The following ZNF385D variants were observed in gnomAD, a reference collection of about 807,000 sequenced individuals.
The protein encoded by ZNF385D is zinc finger protein 659.
A neutral mutation model predicts 35.8 loss-of-function variants in ZNF385D; 15 were observed. The observed-to-expected ratio is 0.42, with a 90% CI of 0.28 to 0.64. ZNF385D has a LOEUF of 0.64. Among genes scored for constraint, ZNF385D ranks in the 30% least tolerant of loss-of-function variants. The pLI is 0.23. For synonymous variants in ZNF385D, 212 were observed against 186.8 expected (o/e 1.13, Z -1.10); for missense variants, 474 against 494.6 (o/e 0.96, Z 0.39).
intron 3 of ZNF385D, among the ~76,000 whole-genome samples, chr3:21,941,587 TC>T (rs1416657723): frequency 1.5e-5 from 2 of 133,606 alleles, no homozygotes; most frequent in Non-Finnish European, 3.1e-5. Context: ...AACCTCCGCC[TC>T]CCGGGTTCAC....
intron 3 of ZNF385D, among the ~76,000 whole-genome samples, chr3:21,762,553 T>TA (rs2125589185): frequency 6.6e-6 from 1 of 152,350 alleles, no homozygotes; most frequent in South Asian, 2.1e-4. Flanking sequence ...TTCTTGTTTT[T>TA]AATGTAAAAC....
At chr3:22,015,635 C>A (rs1696840000) in intron 3 of ZNF385D, among the ~76,000 whole-genome samples, 1 of 152,108 alleles carries the variant, frequency 6.6e-6, no homozygotes, top group African/African-American at 2.4e-5. Flanking sequence ...ACACAAACAT[C>A]ATCATTTCTT....
At chr3:21,628,930 C>A (rs576257741) in intron 2 of ZNF385D, among the ~76,000 whole-genome samples, 7 of 152,186 alleles carry the variant, frequency 4.6e-5, no homozygotes, top group African/African-American at 1.7e-4. Flanking sequence ...TGTTTTATGA[C>A]TCCATGTACC....
At chr3:21,526,156 C>A (rs907404441) in intron 3 of ZNF385D, among the ~76,000 whole-genome samples, 1 of 152,116 alleles carries the variant, frequency 6.6e-6, no homozygotes. Context: ...ATGATTCAAG[C>A]TGCATGGAAA....
At chr3:21,506,330 C>T (rs974487416) in intron 4 of ZNF385D, among the ~76,000 whole-genome samples, 1 of 152,144 alleles carries the variant, frequency 6.6e-6, no homozygotes, top group African/African-American at 2.4e-5. Context: ...AAAACCACAG[C>T]TGATATGTAG....
chr3:21,913,269 C>G (rs1027358242), intron 3 of ZNF385D, among the ~76,000 whole-genome samples: 6 of 152,062 alleles, frequency 3.9e-5, no homozygotes, highest in Non-Finnish European at 8.8e-5. Context: ...TAACTAGAAC[C>G]ATTATAATTT....
intron 3 of ZNF385D, among the ~76,000 whole-genome samples, chr3:21,945,176 T>TGA (rs766738135): frequency 3.8e-4 from 57 of 150,054 alleles, no homozygotes; most frequent in African/African-American, 1.2e-3. Context: ...ATATATATAG[T>TGA]GAGAGAGAGA....
In ZNF385D at chr3:21,984,519, A is replaced by G. The variant is rs375149192; in HGVS notation, c.325+184298T>C. ...CTGAGGGCTCTGTTCTGTTCCATTG[A>G]TCTATATCTCTGTTTTGGTACCAGT... On this transcript the variant is annotated intron_variant, in intron 3 of 5. Coordinates refer to the ZNF385D transcript ENST00000494108. Among the ~76,000 whole-genome samples, 1,090 of 126,000 alleles carry G rather than the reference A, an allele frequency of 8.7e-3. 94 individuals carry two copies. Among genetic ancestry groups the G allele is most frequent in the African/African-American group, 0.034 (999 of 29,008 alleles). 82.7% of individuals were successfully genotyped at this position (126,000 alleles called of 152,430 possible).
intron 3 of ZNF385D, among the ~76,000 whole-genome samples, chr3:21,822,038 A>G (rs552723460): frequency 2.4e-4 from 36 of 152,048 alleles, no homozygotes; most frequent in South Asian, 1.9e-3. Flanking sequence ...GAGCAATCCA[A>G]TATTTCTCCA....
intron 3 of ZNF385D, among the ~76,000 whole-genome samples, chr3:22,109,377 C>T (rs768269933): frequency 6.6e-6 from 1 of 151,978 alleles, no homozygotes; most frequent in Non-Finnish European, 1.5e-5. Flanking sequence ...AATGTAAGTC[C>T]CTAATGTATC....
intron 3 of ZNF385D, among the ~76,000 whole-genome samples, chr3:22,083,745 C>A (rs1266212780): frequency 6.6e-5 from 10 of 152,164 alleles, no homozygotes; most frequent in Non-Finnish European, 1.3e-4. Flanking sequence ...CACAAAGATA[C>A]TCCTCAAGAA....
At chr3:22,140,609 A>G (rs1157751995) in intron 3 of ZNF385D, among the ~76,000 whole-genome samples, 2 of 152,214 alleles carry the variant, frequency 1.3e-5, no homozygotes, top group Non-Finnish European at 2.9e-5. Flanking sequence ...CTCATGTGAT[A>G]AAGTACTATG....
intron 3 of ZNF385D, among the ~76,000 whole-genome samples, chr3:21,798,781 A>T (rs1372332576): frequency 6.6e-6 from 1 of 152,184 alleles, no homozygotes; most frequent in Non-Finnish European, 1.5e-5. Flanking sequence ...GCTACTTTAG[A>T]ATTCTCAGTG....
At chr3:21,798,990 T>G (rs780859460) in intron 3 of ZNF385D, among the ~76,000 whole-genome samples, 1 of 152,200 alleles carries the variant, frequency 6.6e-6, no homozygotes, top group Non-Finnish European at 1.5e-5. Context: ...TGACAAACAT[T>G]AATCTGCTTT....
In ZNF385D at chr3:22,088,440, G is replaced by T. The variant is rs187044528; in HGVS notation, c.325+80377C>A. ...TAGGACACTTTGAGATCTGGCTTCA[G>T]TCTGGCACCATTCAACGTGGTGTGA... On this transcript the variant is annotated intron_variant, in intron 3 of 5. Transcript: ENST00000494108. 3.1e-3 allele frequency among the ~76,000 whole-genome samples: 469 copies of T among 152,280 alleles called. 6 individuals are homozygous for T. Among genetic ancestry groups the T allele is most frequent in the African/African-American group, 0.01 (422 of 41,562 alleles).
chr3:21,708,847 G>T (rs2067998415), intron 1 of ZNF385D, among the ~76,000 whole-genome samples: 1 of 143,324 alleles, frequency 7.0e-6, no homozygotes, highest in African/African-American at 2.7e-5. Flanking sequence ...AGCATCCGAA[G>T]TGTGTGTGGG....
Position 21,450,234 on chromosome 3 carries a change from T to G in ZNF385D, c.440-13031A>C, listed in dbSNP as rs527609585. On this transcript the variant is annotated intron_variant, in intron 4 of 7. Coordinates refer to ENST00000281523, the MANE Select transcript of ZNF385D (RefSeq NM_024697.3). ...GGTAGCTGTGGATCTAGAGGCTTTG[T>G]GCTTTCTTTTATGCTCTTGGACCAC... Among the ~76,000 whole-genome samples the G allele has an allele frequency of 5.9e-5, 9 of 152,278 alleles. No individual in the cohort carries two copies. The South Asian group carries it at 1.7e-3, about 28-fold the overall frequency.
rs11925999 is a variant in ZNF385D, at chr3:22,207,742, A to G, written c.107-38707T>C. Reference sequence around the variant, plus strand: ...ATATAAAGAGCTCAAACAACTCTACAGGAATAAAATCTAGTAATCCAATTA... The same window carrying G: ...ATATAAAGAGCTCAAACAACTCTACGGGAATAAAATCTAGTAATCCAATTA... On this transcript the variant is annotated intron_variant, in intron 2 of 5. Coordinates refer to the ZNF385D transcript ENST00000494108. Among the ~76,000 whole-genome samples, 734 of 152,130 alleles carry G rather than the reference A, an allele frequency of 4.8e-3. 10 individuals carry two copies. Among genetic ancestry groups the G allele is most frequent in the African/African-American group, 0.017 (687 of 41,564 alleles).
At chr3:21,767,282 C>G (rs2070871043) in intron 3 of ZNF385D, among the ~76,000 whole-genome samples, 1 of 152,174 alleles carries the variant, frequency 6.6e-6, no homozygotes, top group East Asian at 1.9e-4. Flanking sequence ...ATACATTTGT[C>G]TTTTTAGCTC....
Sources: gnomAD v4.1 joint callset for allele counts (sites outside exome capture counted in the v4.1 genomes callset) on GRCh38, gnomAD v4.1.1 for gene constraint, MANE v1.5 for transcripts, NCBI Gene and HGNC (gene_info 2026-07-23, HGNC 2026-07-21) for gene names.